The following MIPOL1 variants were observed in gnomAD, a reference collection of about 807,000 sequenced individuals.
MIPOL1 encodes mirror-image polydactyly 1.
Under a neutral mutation model 60.9 loss-of-function variants are expected in MIPOL1, and 57 were observed. That is an observed-to-expected ratio of 0.94 (90% confidence interval 0.76 to 1.17). The LOEUF (loss-of-function observed/expected upper bound fraction) is 1.17. Ranked by LOEUF, MIPOL1 falls within the 50% of genes most tolerant of loss-of-function variation. The pLI is 0.00. For missense variants in MIPOL1, 551 were observed against 511.6 expected, an observed-to-expected ratio of 1.08 and a Z score of -0.74; for synonymous variants, 179 against 168.8, an observed-to-expected ratio of 1.06 and a Z score of -0.47.
chr14:37,520,926 CT>C (rs11299536), intron 12 of MIPOL1, among the ~76,000 whole-genome samples: 22,255 of 47,620 alleles, frequency 0.47, 4,563 homozygotes, highest in East Asian at 0.61. Context: ...TAACATTTTA[CT>C]TTTTTTTTTT....
chr14:37,317,755 T>G (rs2899856), intron 9 of MIPOL1, among the ~76,000 whole-genome samples: 143,531 of 152,208 alleles, frequency 0.94, 68,054 homozygotes, highest in East Asian at 1. Context: ...ATTTCGAATA[T>G]AGCAATTATT....
Position 37,321,643 on chromosome 14 carries a change from G to A in MIPOL1, c.828+13124G>A, listed in dbSNP as rs149297750. On this transcript the variant is annotated intron_variant, in intron 9 of 12. Coordinates refer to ENST00000684589, the MANE Select transcript of MIPOL1 (RefSeq NM_001388067.1). ...GTTGTTGTGCATAGATGTATTGTTC[G>A]TATGTTGTGTCAGTTATCAAGAGAG... Among the ~76,000 whole-genome samples the A allele has an allele frequency of 2.1e-3, 322 of 152,044 alleles. 2 individuals carry two copies. The highest frequency in any genetic ancestry group is 7.2e-3 in the African/African-American group (299 of 41,544).
chr14:37,422,515 TATCTC>T (rs2093891183), intron 10 of MIPOL1, among the ~76,000 whole-genome samples: 1 of 152,036 alleles, frequency 6.6e-6, no homozygotes, highest in Non-Finnish European at 1.5e-5. Context: ...CCATTGTACT[TATCTC>T]TACTGTAGAT....
intron 9 of MIPOL1, among the ~76,000 whole-genome samples, chr14:37,309,591 G>A (rs1408779901): frequency 6.6e-6 from 1 of 151,672 alleles, no homozygotes; most frequent in Non-Finnish European, 1.5e-5. Flanking sequence ...GTCATACTCT[G>A]TTCCTGGTCA....
intron 11 of MIPOL1, among the ~76,000 whole-genome samples, chr14:37,457,726 A>G (rs1368352034): frequency 6.6e-6 from 1 of 152,202 alleles, no homozygotes; most frequent in Non-Finnish European, 1.5e-5. Context: ...AATCTGGGTT[A>G]AGTGCTCCTT....
Position 37,547,030 on chromosome 14 carries a change from C to A in MIPOL1, c.*59C>A. 6.9e-7 allele frequency: 1 copy of A among 1,443,540 alleles called. No homozygotes were observed. Among genetic ancestry groups the A allele is most frequent in the Non-Finnish European group, 9.7e-7 (1 of 1,027,608 alleles). The allele number at this position is 1,443,540 out of a possible 1,614,324, so 89.4% of individuals were successfully genotyped here. On this transcript the variant is annotated 3_prime_UTR_variant, in exon 13 of 13. Coordinates refer to ENST00000684589, the MANE Select transcript of MIPOL1 (RefSeq NM_001388067.1). ...CATCTGGTGACCAGGCTGCTTCATT[C>A]AACACTGTGTAAACACCAAAGCCTT... is the stretch of plus-strand genomic sequence containing the variant.
chr14:37,330,277 A>G (rs1337232153), intron 9 of MIPOL1, among the ~76,000 whole-genome samples: 1 of 152,098 alleles, frequency 6.6e-6, no homozygotes, highest in Non-Finnish European at 1.5e-5. Flanking sequence ...TTTTACATTT[A>G]TTATTGACTT....
chr14:37,313,434 A>G (rs1482817343), intron 9 of MIPOL1, among the ~76,000 whole-genome samples: 1 of 152,128 alleles, frequency 6.6e-6, no homozygotes, highest in South Asian at 2.1e-4. Context: ...TTTGGGTCTT[A>G]TTGGTATTTG....
chr14:37,369,662 G>T, intron 10 of MIPOL1, 38 bp downstream of exon 10: 2 of 1,514,054 alleles, frequency 1.3e-6, no homozygotes, highest in Non-Finnish European at 1.8e-6. Flanking sequence ...AATTAAGGTT[G>T]TAAGCCCTTG....
At chr14:37,305,882 C>T (rs1236858815) in intron 7 of MIPOL1, among the ~76,000 whole-genome samples, 11 of 151,782 alleles carry the variant, frequency 7.2e-5, no homozygotes, top group Admixed American at 2.0e-4. Flanking sequence ...AGCTCACTTA[C>T]GTCCTGTGTG....
At chr14:37,225,516 G>A (rs1969556618) in intron 1 of MIPOL1, among the ~76,000 whole-genome samples, 1 of 152,178 alleles carries the variant, frequency 6.6e-6, no homozygotes, top group Non-Finnish European at 1.5e-5. Context: ...GCCATGGCCT[G>A]AGCTCTATGG....
At chr14:37,331,212 C>T (rs2089653174) in intron 9 of MIPOL1, among the ~76,000 whole-genome samples, 1 of 151,634 alleles carries the variant, frequency 6.6e-6, no homozygotes, top group South Asian at 2.1e-4. Flanking sequence ...GCTTTGACTA[C>T]TCTTGGAATC....
At chr14:37,390,174 G>T (rs1566501798) in intron 10 of MIPOL1, among the ~76,000 whole-genome samples, 1 of 151,916 alleles carries the variant, frequency 6.6e-6, no homozygotes, top group Non-Finnish European at 1.5e-5. Context: ...AGCCAAGTTT[G>T]CACCATTGCA....
At position 37,435,390 on chromosome 14, in the gene MIPOL1, ACTAT is replaced by A. The variant is rs771763004; in HGVS notation, c.1031+12445_1031+12448del. On this transcript the variant is annotated intron_variant, in intron 11 of 12. Transcript: ENST00000684589. ...TCCTGCTTCAATGTCACAAGATCAC[ACTAT>A]CTAAAATAGTGTACCCTCTTACTAC... Among the ~76,000 whole-genome samples the A allele has an allele frequency of 5.8e-4, 88 of 152,182 alleles. No homozygotes were observed. In the Middle Eastern group the frequency reaches 0.031, roughly 53 times the overall value.
At chr14:37,314,807 CTTA>C (rs962833574) in intron 9 of MIPOL1, among the ~76,000 whole-genome samples, 3 of 152,164 alleles carry the variant, frequency 2.0e-5, no homozygotes, top group Admixed American at 6.5e-5. Context: ...TGTGAAGTTA[CTTA>C]TTATGTTTGT....
chr14:37,426,713 G>A (rs2093974843), intron 11 of MIPOL1, among the ~76,000 whole-genome samples: 1 of 149,704 alleles, frequency 6.7e-6, no homozygotes, highest in Non-Finnish European at 1.5e-5. Context: ...GATTGAAGTC[G>A]GAAAGTGGAA....
intron 11 of MIPOL1, chr14:37,434,717 C>T (rs1382716633): frequency 6.6e-6 from 1 of 152,036 alleles, no homozygotes; most frequent in Non-Finnish European, 1.5e-5. Context: ...ATGTTGTGGC[C>T]TTGAGTCTCA....
intron 7 of MIPOL1, among the ~76,000 whole-genome samples, chr14:37,286,785 A>T (rs1391825975): frequency 6.6e-6 from 1 of 152,194 alleles, no homozygotes; most frequent in Non-Finnish European, 1.5e-5. Context: ...AAATCAAGAA[A>T]CAAAAAAAAT....
chr14:37,534,145 A>T (rs560465180), intron 12 of MIPOL1, among the ~76,000 whole-genome samples: 1 of 152,000 alleles, frequency 6.6e-6, no homozygotes, highest in Non-Finnish European at 1.5e-5. Context: ...CTGGTTTTCC[A>T]GAAGCAGTGA....
Sources: allele counts gnomAD v4.1 joint callset (sites outside exome capture counted in the v4.1 genomes callset), GRCh38; gene constraint gnomAD v4.1.1; transcripts MANE v1.5; gene names NCBI Gene and HGNC (gene_info 2026-07-23, HGNC 2026-07-21).